Variants in GRIN2B observed in about 807,000 individuals in gnomAD.
The protein encoded by GRIN2B is glutamate receptor ionotropic, NMDA 2B.
In GRIN2B, 5 loss-of-function variants were observed where a neutral mutation model predicts 114.5. That is an observed-to-expected ratio of 0.04 (90% CI 0.02 to 0.09). GRIN2B has a LOEUF of 0.09. Among genes scored for constraint, GRIN2B ranks in the 10% least tolerant of loss-of-function variants. The probability of loss-of-function intolerance (pLI) is 1.00; values close to 1 mark genes in which losing one functional copy is unlikely to be tolerated. For missense variants in GRIN2B, 1,108 were observed against 1,943.5 expected (o/e 0.57, Z 8.08); for synonymous variants, 787 against 745.1 (o/e 1.06, Z -0.92).
chr12:13,676,813 T>A (rs1311051122), intron 4 of GRIN2B, among the ~76,000 whole-genome samples: 1 of 152,128 alleles, frequency 6.6e-6, no homozygotes, highest in Non-Finnish European at 1.5e-5. Flanking sequence ...ACAGGATGCA[T>A]CTGGAAATCA....
intron 2 of GRIN2B, among the ~76,000 whole-genome samples, chr12:13,902,978 GTGAGTTATATTCT>G (rs1475411188): frequency 6.6e-6 from 1 of 151,614 alleles, no homozygotes; most frequent in Non-Finnish European, 1.5e-5. Flanking sequence ...ATCAATATTG[GTGAGTTATATTCT>G]CCAATAATTT....
chr12:13,889,843 C>A (rs1041522411), intron 2 of GRIN2B, among the ~76,000 whole-genome samples: 1 of 152,200 alleles, frequency 6.6e-6, no homozygotes, highest in Non-Finnish European at 1.5e-5. Context: ...GAAGCTAACA[C>A]GCTCAATGGT....
intron 3 of GRIN2B, among the ~76,000 whole-genome samples, chr12:13,854,286 C>T (rs1184942095): frequency 5.3e-5 from 8 of 151,986 alleles, no homozygotes; most frequent in Non-Finnish European, 8.8e-5. Flanking sequence ...CCAAGGTGGG[C>T]GGATCACGAG....
chr12:13,916,443 T>A (rs77759840), intron 2 of GRIN2B, among the ~76,000 whole-genome samples: 9 of 152,258 alleles, frequency 5.9e-5, no homozygotes, highest in African/African-American at 2.2e-4. Context: ...TAACATTAAA[T>A]GTGTTGTGTG....
chr12:13,875,265 C>T (rs766954270), intron 2 of GRIN2B, among the ~76,000 whole-genome samples: 1 of 152,138 alleles, frequency 6.6e-6, no homozygotes, highest in Non-Finnish European at 1.5e-5. Context: ...GTGGCTCACG[C>T]CTTTAGTAAT....
intron 10 of GRIN2B, among the ~76,000 whole-genome samples, chr12:13,606,606 C>T (rs1949251668): frequency 6.6e-6 from 1 of 152,048 alleles, no homozygotes; most frequent in Non-Finnish European, 1.5e-5. Flanking sequence ...AGGAGGTGGG[C>T]GTGGTCCACC....
At chr12:13,589,423 G>A (rs931675527) in intron 10 of GRIN2B, among the ~76,000 whole-genome samples, 1 of 152,106 alleles carries the variant, frequency 6.6e-6, no homozygotes, top group African/African-American at 2.4e-5. Flanking sequence ...CTATTCTGAG[G>A]GCCTCTAGGC....
chr12:13,940,580 A>C (rs1867226074), intron 2 of GRIN2B, among the ~76,000 whole-genome samples: 1 of 152,142 alleles, frequency 6.6e-6, no homozygotes, highest in Non-Finnish European at 1.5e-5. Flanking sequence ...GAAATTGAGC[A>C]AAGGGAAGTG....
At chr12:13,805,475 A>G (rs1326944674) in intron 3 of GRIN2B, among the ~76,000 whole-genome samples, 4 of 152,190 alleles carry the variant, frequency 2.6e-5, no homozygotes, top group Non-Finnish European at 2.9e-5. Flanking sequence ...CAGCACAAGA[A>G]AAAAAGAAGA....
intron 5 of GRIN2B, among the ~76,000 whole-genome samples, chr12:13,617,191 G>A (rs1005887512): frequency 6.6e-6 from 1 of 152,242 alleles, no homozygotes; most frequent in African/African-American, 2.4e-5. Flanking sequence ...CCAGTGGGGA[G>A]AGCTAGGTGG....
Position 13,562,927 on chromosome 12 carries a change from G to C in GRIN2B, c.4311C>G (p.Ala1437=), listed in dbSNP as rs112265127. ...TGTCCTTCTGGAAACGGGCTGGCAC[G>C]GCCCCATGAAGGGCCGAGACCACCG... is the stretch of plus-strand genomic sequence containing the variant. ...NKPVVSALHG[A]VPARFQKDIC... is the part of the protein sequence containing the mutation. Residue 1437 remains alanine, a synonymous_variant, in exon 14 of 14, where the codon GCC becomes GCG. Transcript: ENST00000609686. 3.1e-6 allele frequency: 5 copies of C among 1,614,222 alleles called. No homozygotes were observed.
chr12:13,960,278 G>T (rs756400115), intron 2 of GRIN2B, among the ~76,000 whole-genome samples: 1 of 152,082 alleles, frequency 6.6e-6, no homozygotes, highest in African/African-American at 2.4e-5. Context: ...TCCTCTATAG[G>T]TATTAATGTA....
At chr12:13,865,145 G>T (rs1195498815) in intron 3 of GRIN2B, among the ~76,000 whole-genome samples, 1 of 152,196 alleles carries the variant, frequency 6.6e-6, no homozygotes, top group African/African-American at 2.4e-5. Context: ...CAGTATGGGG[G>T]AGAACACGTA....
intron 3 of GRIN2B, among the ~76,000 whole-genome samples, chr12:13,811,595 T>C (rs2268129): frequency 0.1 from 15,576 of 152,176 alleles, 1,016 homozygotes; most frequent in South Asian, 0.19. Context: ...TAAATAAATA[T>C]GGTCACTATT....
intron 2 of GRIN2B, among the ~76,000 whole-genome samples, chr12:13,922,637 C>T (rs937268620): frequency 2.6e-5 from 4 of 152,048 alleles, no homozygotes; most frequent in African/African-American, 4.8e-5. Flanking sequence ...GTGGTAAGTC[C>T]GGTTTTATTT....
rs755074582 is a variant in GRIN2B at position 13,652,273 on chromosome 12, C to T, written c.1125+23472G>A. On this transcript the variant is annotated intron_variant, in intron 5 of 13. Transcript: ENST00000609686. Reference sequence around the variant, plus strand: ...TCTCTGCAGCCTCTGTGGAGAGGCTCTCTGTATCCTCTGGAGAAGAGGTAC... The same window carrying T: ...TCTCTGCAGCCTCTGTGGAGAGGCTTTCTGTATCCTCTGGAGAAGAGGTAC... 2.8e-4 allele frequency among the ~76,000 whole-genome samples: 42 copies of T among 151,958 alleles called. 1 individual carries two copies. The highest frequency in any genetic ancestry group is 3.4e-3 in the Middle Eastern group (1 of 294).
At chr12:13,766,758 T>C (rs1447516970) in intron 3 of GRIN2B, among the ~76,000 whole-genome samples, 1 of 152,224 alleles carries the variant, frequency 6.6e-6, no homozygotes, top group Non-Finnish European at 1.5e-5. Flanking sequence ...AGATTTTTAT[T>C]CTTCAGAAAA....
intron 4 of GRIN2B, among the ~76,000 whole-genome samples, chr12:13,737,136 GCTT>G (rs1565518732): frequency 1.3e-5 from 2 of 151,694 alleles, no homozygotes; most frequent in African/African-American, 2.4e-5. Context: ...ATTAATAAAT[GCTT>G]CTTAATAGTT....
At position 13,758,998 on chromosome 12, in the gene GRIN2B, A is replaced by ATTTT. The variant is rs5796560; in HGVS notation, c.412-5087_412-5084dup. On this transcript the variant is annotated intron_variant, in intron 3 of 13. Coordinates refer to ENST00000609686, the MANE Select transcript of GRIN2B (RefSeq NM_000834.5). ...GAATTTGATGATCTCATCTAGTTCA[A>ATTTT]TTTTTTTTTTTTTTTTTTTTTTTTT... Among the ~76,000 whole-genome samples the ATTTT allele has an allele frequency of 7.6e-4, 65 of 85,622 alleles. 3 individuals carry two copies. The highest frequency in any genetic ancestry group is 2.5e-3 in the African/African-American group (51 of 20,374). The allele number at this position is 85,622 out of a possible 152,430, so 56.2% of individuals were successfully genotyped here. A position where few individuals can be genotyped will look rare whatever the true frequency, so the allele number is the denominator to read the frequency against.
Sources: allele counts gnomAD v4.1 joint callset (sites outside exome capture counted in the v4.1 genomes callset), GRCh38; gene constraint gnomAD v4.1.1; transcripts MANE v1.5; gene names NCBI Gene and HGNC (gene_info 2026-07-23, HGNC 2026-07-21).